Variants in PCDH7 observed in about 807,000 individuals in gnomAD.
PCDH7 encodes the protein protocadherin 7, also known as protocadherin-7.
PCDH7 carries 17 observed loss-of-function variants against 58.9 expected under a neutral mutation model. The observed-to-expected ratio is 0.29, with a 90% CI of 0.20 to 0.43. PCDH7 has a LOEUF of 0.43. Ranked by LOEUF, PCDH7 falls within the 20% of genes least tolerant of loss-of-function variation. The pLI is 1.00. For missense variants in PCDH7, 1,274 were observed against 1,441.0 expected (o/e 0.88, Z 1.88); for synonymous variants, 664 against 616.4 (o/e 1.08, Z -1.14).
chr4:31,035,276 C>T (rs1438590306), intron 3 of PCDH7, among the ~76,000 whole-genome samples: 5 of 102,070 alleles, frequency 4.9e-5, no homozygotes, highest in African/African-American at 4.0e-5. Flanking sequence ...TTTTTTGAGA[C>T]GGAGTCTCAC....
At chr4:30,908,025 C>A (rs1741203990) in intron 1 of PCDH7, among the ~76,000 whole-genome samples, 1 of 152,084 alleles carries the variant, frequency 6.6e-6, no homozygotes, top group Non-Finnish European at 1.5e-5. Context: ...TGCATGTTCT[C>A]ACTTGTAGGT....
At chr4:30,999,792 G>A (rs1752207404) in intron 3 of PCDH7, among the ~76,000 whole-genome samples, 1 of 152,078 alleles carries the variant, frequency 6.6e-6, no homozygotes, top group Admixed American at 6.6e-5. Flanking sequence ...TTCTTCTATA[G>A]ATCTAATGTG....
intron 3 of PCDH7, among the ~76,000 whole-genome samples, chr4:31,051,787 G>A (rs1756750538): frequency 6.7e-6 from 1 of 149,840 alleles, no homozygotes; most frequent in Non-Finnish European, 1.5e-5. Context: ...GTCTTAAGTA[G>A]GAGCAGACTT....
chr4:31,105,972 A>C (rs1185898741), intron 3 of PCDH7, among the ~76,000 whole-genome samples: 21 of 151,448 alleles, frequency 1.4e-4, no homozygotes, highest in Non-Finnish European at 1.5e-5. Context: ...GCGCCACTGC[A>C]CTCCAGCCTA....
chr4:31,103,757 T>G, intron 3 of PCDH7, among the ~76,000 whole-genome samples: 1 of 152,204 alleles, frequency 6.6e-6, no homozygotes, highest in Admixed American at 6.5e-5. Context: ...TGACTGTTCC[T>G]CCAATAATGG....
chr4:30,820,004 A>G (rs1728181291), intron 1 of PCDH7, among the ~76,000 whole-genome samples: 1 of 152,170 alleles, frequency 6.6e-6, no homozygotes, highest in African/African-American at 2.4e-5. Context: ...GTCATTGACC[A>G]GAACAATTAA....
At chr4:31,117,556 A>AAAT (rs1267735656) in intron 3 of PCDH7, among the ~76,000 whole-genome samples, 4 of 152,214 alleles carry the variant, frequency 2.6e-5, no homozygotes, top group African/African-American at 9.6e-5. Context: ...TTTCTAGGCA[A>AAAT]AATATTTTAT....
intron 1 of PCDH7, chr4:30,724,898 C>G: frequency 8.6e-7 from 1 of 1,164,822 alleles, no homozygotes; most frequent in Non-Finnish European, 1.1e-6. Context: ...TTTTTGTTTC[C>G]AGAATAAATA....
chr4:31,033,712 C>T (rs1258868060), intron 3 of PCDH7, among the ~76,000 whole-genome samples: 1 of 152,148 alleles, frequency 6.6e-6, no homozygotes, highest in Non-Finnish European at 1.5e-5. Context: ...CCTTTAACTC[C>T]CAGTGCTTCC....
exon 1 of PCDH7, chr4:30,724,563 C>T: frequency 1.2e-6 from 2 of 1,614,054 alleles, no homozygotes; most frequent in Non-Finnish European, 1.7e-6. Flanking sequence ...GCTCTGAGTA[C>T]AGCTGTCAAA....
intron 3 of PCDH7, among the ~76,000 whole-genome samples, chr4:30,977,686 A>G (rs1750192272): frequency 6.6e-6 from 1 of 151,984 alleles, no homozygotes; most frequent in Non-Finnish European, 1.5e-5. Context: ...AGCTCCTATT[A>G]TTCATTTTGT....
intron 1 of PCDH7, among the ~76,000 whole-genome samples, chr4:30,775,866 C>A (rs1428775240): frequency 6.6e-6 from 1 of 152,044 alleles, no homozygotes; most frequent in Non-Finnish European, 1.5e-5. Flanking sequence ...CACTGCACTG[C>A]AGCCTGGGTG....
intron 3 of PCDH7, among the ~76,000 whole-genome samples, chr4:31,084,339 T>G (rs1204647320): frequency 2.0e-5 from 3 of 152,154 alleles, no homozygotes; most frequent in African/African-American, 4.8e-5. Context: ...AATTTAATTT[T>G]TCTGCATTAT....
At chr4:30,803,860 G>A (rs1482984566) in intron 1 of PCDH7, among the ~76,000 whole-genome samples, 1 of 152,192 alleles carries the variant, frequency 6.6e-6, no homozygotes, top group Non-Finnish European at 1.5e-5. Context: ...CAATGTCCTG[G>A]AATTGAAAGG....
At chr4:31,018,305 T>G (rs1159861534) in intron 3 of PCDH7, among the ~76,000 whole-genome samples, 2 of 152,182 alleles carry the variant, frequency 1.3e-5, no homozygotes, top group Non-Finnish European at 2.9e-5. Flanking sequence ...GGAGAAAGAT[T>G]CTGATCAGAA....
chr4:31,116,886 A>G (rs879606626), intron 3 of PCDH7, among the ~76,000 whole-genome samples: 2 of 151,960 alleles, frequency 1.3e-5, no homozygotes, highest in South Asian at 2.1e-4. Context: ...CCCAGGCTGG[A>G]GTGCAATGGC....
chr4:30,940,680 G>A (rs1390184865), intron 2 of PCDH7, among the ~76,000 whole-genome samples: 3 of 151,916 alleles, frequency 2.0e-5, no homozygotes, highest in African/African-American at 7.2e-5. Flanking sequence ...AGACATAAAA[G>A]AGCATAGATG....
At chr4:30,862,151 A>G (rs1429219863) in intron 1 of PCDH7, among the ~76,000 whole-genome samples, 1 of 152,164 alleles carries the variant, frequency 6.6e-6, no homozygotes, top group Non-Finnish European at 1.5e-5. Flanking sequence ...CAGCTTACCC[A>G]TGATATATTT....
At chr4:30,839,713 T>C (rs1315380616) in intron 1 of PCDH7, among the ~76,000 whole-genome samples, 3 of 152,098 alleles carry the variant, frequency 2.0e-5, no homozygotes, top group Middle Eastern at 6.8e-3. Context: ...GCAAAAGTAA[T>C]AAAATCAAAG....
Sources: allele counts gnomAD v4.1 joint callset (sites outside exome capture counted in the v4.1 genomes callset), GRCh38; gene constraint gnomAD v4.1.1; transcripts MANE v1.5; gene names NCBI Gene and HGNC (gene_info 2026-07-23, HGNC 2026-07-21).